Variants in VPS13C observed in about 807,000 individuals in gnomAD.
VPS13C encodes the protein vacuolar protein sorting 13 homolog C.
A neutral mutation model predicts 456.8 loss-of-function variants in VPS13C; 358 were observed. The observed-to-expected ratio is 0.78, with a 90% confidence interval of 0.72 to 0.86. The LOEUF is 0.86. Ranked by LOEUF, VPS13C falls within the 40% of genes least tolerant of loss-of-function variation. The probability of loss-of-function intolerance (pLI) is 0.00; values close to 1 mark genes in which losing one functional copy is unlikely to be tolerated. For missense variants in VPS13C, 4,818 were observed against 4,385.4 expected (o/e 1.10, Z -2.79); for synonymous variants, 1,578 against 1,486.7 (o/e 1.06, Z -1.41).
rs200869994 is a variant in VPS13C at position 61,920,575 on chromosome 15, T to C, written c.7135A>G (p.Ile2379Val). The change falls in exon 56 of 85, where the codon ATT becomes GTT. Residue 2379 changes from isoleucine (I) to valine (V), a missense_variant. Around this residue, in one of 3 missense-constraint regions of VPS13C, gnomAD observed 4,552 missense variants for 4,130.6 expected, o/e 1.10. Coordinates refer to ENST00000644861, the MANE Select transcript of VPS13C (RefSeq NM_020821.3). Reference protein sequence around the residue: ...DDFIPEPQMAIHISSGNTMNI... With the variant: ...DDFIPEPQMAVHISSGNTMNI... ...ATTGTATTTCCTGAAGAAATATGAA[T>C]TGCCATTTGTGGCTCAGGAATAAAA... is the stretch of plus-strand genomic sequence containing the variant. 3 of 1,587,878 alleles carry C rather than the reference T, an allele frequency of 1.9e-6. No homozygotes were observed. The highest frequency in any genetic ancestry group is 1.4e-5 in the African/African-American group (1 of 73,194).
Position 61,922,723 on chromosome 15 carries a change from C to T in VPS13C, c.6649G>A (p.Ala2217Thr). Reference sequence around the variant, plus strand: ...TCTTTTGTTTTTGGAGACAATGCAGCCATGATTGTCAACACAGTATTAAGA... The same window carrying T: ...TCTTTTGTTTTTGGAGACAATGCAGTCATGATTGTCAACACAGTATTAAGA... Reference protein sequence around the residue: ...IILNTVLTIMAALSPKTKEDG... With the variant: ...IILNTVLTIMTALSPKTKEDG... Residue 2217 changes from alanine (A) to threonine (T), a missense_variant, in exon 54 of 85, where the codon GCT becomes ACT. Coordinates refer to ENST00000644861, the MANE Select transcript of VPS13C (RefSeq NM_020821.3). 2 of 1,612,376 alleles carry T rather than the reference C, an allele frequency of 1.2e-6. No individual in the cohort carries two copies. The highest frequency in any genetic ancestry group is 1.7e-6 in the Non-Finnish European group (2 of 1,179,356).
intron 38 of VPS13C, among the ~76,000 whole-genome samples, chr15:61,952,698 A>G (rs2044842174): frequency 6.6e-6 from 1 of 152,056 alleles, no homozygotes; most frequent in Non-Finnish European, 1.5e-5. Context: ...CCATTCCTTT[A>G]AAAGTTTGTT....
intron 82 of VPS13C, 71 bp downstream of exon 82, chr15:61,863,369 T>A: frequency 2.5e-6 from 3 of 1,189,110 alleles, no homozygotes; most frequent in South Asian, 1.4e-5. Flanking sequence ...CTTCTGCCAT[T>A]TTAGCCTTCA....
Position 61,875,769 on chromosome 15 carries a change from G to C in VPS13C, c.10301C>G (p.Ser3434Cys), listed in dbSNP as rs1895374383. The change falls in exon 76 of 85, where the codon TCT becomes TGT. Residue 3434 changes from serine to cysteine, a missense_variant. By Grantham distance (112) the Ser-to-Cys change is moderately radical. Transcript: ENST00000644861. ...GNPFGLIRGL[S>C]EGVEALFYEP... Reference sequence around the variant, plus strand: ...ATAGAATAAAGCTTCAACTCCTTCAGACAGACCTCTAATTAATCCAAATGG... The same window carrying C: ...ATAGAATAAAGCTTCAACTCCTTCACACAGACCTCTAATTAATCCAAATGG... The C allele has an allele frequency of 1.2e-6, 2 of 1,610,942 alleles. No individual in the cohort carries two copies. The highest frequency in any genetic ancestry group is 1.7e-6 in the Non-Finnish European group (2 of 1,178,628).
At chr15:61,874,803 G>T in intron 77 of VPS13C, 73 bp downstream of exon 77, 1 of 1,333,236 alleles carries the variant, frequency 7.5e-7, no homozygotes, top group Non-Finnish European at 1.0e-6. Context: ...AAAAGCATTT[G>T]TTTTTCATAA....
intron 78 of VPS13C, among the ~76,000 whole-genome samples, chr15:61,873,011 C>T (rs1455653088): frequency 6.6e-6 from 1 of 152,036 alleles, no homozygotes; most frequent in Non-Finnish European, 1.5e-5. Context: ...TCGCCTTCTA[C>T]ACCAGTACTA....
At chr15:61,913,460 T>TA (rs1040901793) in intron 61 of VPS13C, 45 bp from the exon 62 acceptor site, 5 of 1,503,010 alleles carry the variant, frequency 3.3e-6, no homozygotes, top group Non-Finnish European at 4.6e-6. Context: ...TCTAAAACAC[T>TA]ATAATAATTT....
chr15:61,992,528 T>G (rs1443541898), intron 16 of VPS13C, among the ~76,000 whole-genome samples: 1 of 152,116 alleles, frequency 6.6e-6, no homozygotes, highest in East Asian at 1.9e-4. Flanking sequence ...CTGTGTGTAA[T>G]AAAAAGTGGA....
intron 78 of VPS13C, 123 bp downstream of exon 78, chr15:61,873,123 T>C: frequency 1.4e-6 from 2 of 1,419,146 alleles, no homozygotes; most frequent in Non-Finnish European, 1.9e-6. Context: ...AAGTCCATCA[T>C]TTATCATTCT....
intron 66 of VPS13C, among the ~76,000 whole-genome samples, chr15:61,896,597 T>C (rs1438161732): frequency 6.6e-6 from 1 of 150,732 alleles, no homozygotes; most frequent in Non-Finnish European, 1.5e-5. Context: ...GCTCGGAGGG[T>C]CCTACGCCCA....
At chr15:61,885,990 T>C (rs1896238029) in intron 67 of VPS13C, among the ~76,000 whole-genome samples, 1 of 152,146 alleles carries the variant, frequency 6.6e-6, no homozygotes, top group South Asian at 2.1e-4. Flanking sequence ...GTTTTTGTAA[T>C]TGACTATTGA....
Position 61,852,448 on chromosome 15 carries a change from C to T in VPS13C, c.*2009G>A, listed in dbSNP as rs1258531168. ...ATTTCTCTCATATGCAAGTAATTACCTCTCAAAGCATTTTTAAAAAACGCA... is the reference window on the plus strand; with the variant it reads ...ATTTCTCTCATATGCAAGTAATTACTTCTCAAAGCATTTTTAAAAAACGCA... On this transcript the variant is annotated 3_prime_UTR_variant, in exon 85 of 85. Transcript: ENST00000644861. 1.3e-5 allele frequency: 2 copies of T among 152,106 alleles called. No homozygotes were observed. Among genetic ancestry groups the T allele is most frequent in the East Asian group, 3.9e-4 (2 of 5,190 alleles). 9.4% of individuals were successfully genotyped at this position (152,106 alleles called of 1,614,324 possible). A position where few individuals can be genotyped will look rare whatever the true frequency, so the allele number is the denominator to read the frequency against.
At chr15:62,020,379 A>G (rs2047418691) in intron 9 of VPS13C, 100 bp downstream of exon 9, 2 of 949,306 alleles carry the variant, frequency 2.1e-6, no homozygotes, top group Non-Finnish European at 3.0e-6. Flanking sequence ...TTAAAAAATC[A>G]TAGTTCTTTG....
intron 1 of VPS13C, among the ~76,000 whole-genome samples, chr15:62,049,063 C>T (rs2048528874): frequency 3.3e-5 from 5 of 151,554 alleles, no homozygotes; most frequent in African/African-American, 1.2e-4. Flanking sequence ...TGCCTGTTCA[C>T]TCTGATGGTA....
intron 65 of VPS13C, among the ~76,000 whole-genome samples, chr15:61,908,666 T>C (rs2043214034): frequency 6.6e-6 from 1 of 152,172 alleles, no homozygotes; most frequent in Non-Finnish European, 1.5e-5. Flanking sequence ...ATTTTGAAAT[T>C]TAAAAAGCTC....
rs200162212 is a variant in VPS13C, at chr15:61,927,195, G to A, written c.6412C>T (p.Leu2138=). Residue 2138 remains leucine (L), a synonymous_variant, in exon 52 of 85, where the codon CTG becomes TTG. Coordinates refer to ENST00000644861, the MANE Select transcript of VPS13C (RefSeq NM_020821.3). ...LTASFQCNLS[L]STSKLEQMME... ...ATCTGTTCGAGTTTGGATGTTGACA[G>A]AGAAAGGTTGCACTGAAACGAGGCT... The A allele has an allele frequency of 6.2e-7, 1 of 1,614,170 alleles. No individual in the cohort carries two copies. Among genetic ancestry groups the A allele is most frequent in the East Asian group, 2.2e-5 (1 of 44,878 alleles).
At chr15:61,864,280 T>C in intron 81 of VPS13C, 1 of 823,754 alleles carries the variant, frequency 1.2e-6, no homozygotes, top group Non-Finnish European at 1.5e-6. Flanking sequence ...AAAACAAATA[T>C]GAGCATAAAA....
chr15:62,049,905 T>C (rs2048562082), intron 1 of VPS13C, among the ~76,000 whole-genome samples: 1 of 152,190 alleles, frequency 6.6e-6, no homozygotes, highest in African/African-American at 2.4e-5. Flanking sequence ...TCTCTGTTTG[T>C]CTGTTATTGG....
intron 29 of VPS13C, among the ~76,000 whole-genome samples, 194 bp downstream of exon 29, chr15:61,967,174 T>G (rs761825129): frequency 6.6e-6 from 1 of 151,966 alleles, no homozygotes; most frequent in Non-Finnish European, 1.5e-5. Flanking sequence ...AGAAGTTTAG[T>G]GACTTTGTAT....
Sources: allele counts gnomAD v4.1 joint callset (sites outside exome capture counted in the v4.1 genomes callset), GRCh38; gene constraint gnomAD v4.1.1; regional missense constraint gnomAD v4.1.1; transcripts MANE v1.5; gene names NCBI Gene and HGNC (gene_info 2026-07-23, HGNC 2026-07-21).